PTPRT: variants seen among roughly 807,000 people sequenced by gnomAD.
PTPRT encodes the protein receptor-type tyrosine-protein phosphatase T.
A neutral mutation model predicts 176.8 loss-of-function variants in PTPRT; 56 were observed. The ratio of observed to expected loss-of-function variants is 0.32; its 90% confidence interval spans 0.26 to 0.40. PTPRT has a LOEUF of 0.40. Ranked by LOEUF, PTPRT falls within the 10% of genes least tolerant of loss-of-function variation. The pLI, the probability that PTPRT is intolerant of heterozygous loss-of-function variation, is 1.00. For synonymous variants in PTPRT, 783 were observed against 739.0 expected (o/e 1.06, Z -0.96); for missense variants, 1,540 against 1,908.2 (o/e 0.81, Z 3.60).
At chr20:43,084,529 A>G (rs2011552421) in intron 1 of PTPRT, among the ~76,000 whole-genome samples, 1 of 151,958 alleles carries the variant, frequency 6.6e-6, no homozygotes, top group African/African-American at 2.4e-5. Flanking sequence ...CATGGGGGAA[A>G]CCGCCCCCAT....
chr20:42,782,401 C>T (rs890744999), intron 3 of PTPRT, among the ~76,000 whole-genome samples: 1 of 152,204 alleles, frequency 6.6e-6, no homozygotes. Flanking sequence ...TGTATTTCTA[C>T]CTAGGTACCA....
At chr20:43,159,722 T>C (rs967109368) in intron 1 of PTPRT, among the ~76,000 whole-genome samples, 3 of 152,172 alleles carry the variant, frequency 2.0e-5, no homozygotes, top group South Asian at 4.1e-4. Flanking sequence ...CAGATGTCCA[T>C]AATGATCTTG....
At chr20:43,112,218 G>T (rs1274531765) in intron 1 of PTPRT, among the ~76,000 whole-genome samples, 1 of 152,156 alleles carries the variant, frequency 6.6e-6, no homozygotes, top group Non-Finnish European at 1.5e-5. Flanking sequence ...CATCTTTTCA[G>T]ATTTTTATTT....
intron 1 of PTPRT, among the ~76,000 whole-genome samples, chr20:43,110,075 A>T (rs1469913773): frequency 2.6e-5 from 4 of 152,200 alleles, no homozygotes; most frequent in Admixed American, 2.6e-4. Flanking sequence ...TTGACTCATG[A>T]TTTTGGATGC....
At chr20:42,451,659 G>A (rs903103940) in intron 8 of PTPRT, among the ~76,000 whole-genome samples, 1 of 152,162 alleles carries the variant, frequency 6.6e-6, no homozygotes, top group Non-Finnish European at 1.5e-5. Flanking sequence ...AAGAAGGAAA[G>A]AGGCTCAAGA....
At chr20:43,046,401 T>C (rs774028940) in intron 1 of PTPRT, among the ~76,000 whole-genome samples, 11 of 151,100 alleles carry the variant, frequency 7.3e-5, no homozygotes, top group Non-Finnish European at 1.3e-4. Context: ...ACCCTGTCTC[T>C]ACTAAAAATA....
At chr20:43,029,355 A>C (rs2146193752) in intron 1 of PTPRT, among the ~76,000 whole-genome samples, 1 of 152,340 alleles carries the variant, frequency 6.6e-6, no homozygotes, top group South Asian at 2.1e-4. Flanking sequence ...CCCACCAACA[A>C]GCAATTGTGA....
At chr20:42,120,002 G>A in intron 19 of PTPRT, 31 bp from the exon 20 acceptor site, 3 of 1,592,678 alleles carry the variant, frequency 1.9e-6, no homozygotes, top group Non-Finnish European at 2.6e-6. Flanking sequence ...ACTGTGAAGA[G>A]TCTGTTGTCA....
chr20:43,038,938 T>C (rs564133007), intron 1 of PTPRT, among the ~76,000 whole-genome samples: 2 of 152,332 alleles, frequency 1.3e-5, no homozygotes, highest in South Asian at 2.1e-4. Context: ...CACAAGCGAT[T>C]TGAGTAAATG....
intron 11 of PTPRT, among the ~76,000 whole-genome samples, chr20:42,345,744 A>AT (rs1555829538): frequency 5.4e-4 from 81 of 151,292 alleles, no homozygotes; most frequent in Non-Finnish European, 9.1e-4. Context: ...CAAAACAAAA[A>AT]ATATATATAT....
chr20:42,655,804 A>C (rs532009372), intron 7 of PTPRT, among the ~76,000 whole-genome samples: 125 of 152,298 alleles, frequency 8.2e-4, no homozygotes, highest in Admixed American at 3.0e-3. Flanking sequence ...GGAGTAGACC[A>C]TTTTCAGCAT....
chr20:42,402,935 T>C (rs948350014), intron 9 of PTPRT, among the ~76,000 whole-genome samples: 2 of 152,146 alleles, frequency 1.3e-5, no homozygotes, highest in Non-Finnish European at 2.9e-5. Flanking sequence ...ATTCTGTGAA[T>C]TGTTAAAATA....
chr20:42,118,146 G>A (rs549580753), intron 21 of PTPRT, among the ~76,000 whole-genome samples: 3 of 152,298 alleles, frequency 2.0e-5, no homozygotes, highest in Non-Finnish European at 4.4e-5. Flanking sequence ...GGGAGTGAAC[G>A]ACTGATGGTT....
At chr20:42,783,847 G>A (rs1237643846) in intron 3 of PTPRT, among the ~76,000 whole-genome samples, 1 of 152,140 alleles carries the variant, frequency 6.6e-6, no homozygotes, top group African/African-American at 2.4e-5. Flanking sequence ...TTTTCCTCCT[G>A]TCTTCAGGAG....
the PTPRT span, among the ~76,000 whole-genome samples, chr20:42,066,037 C>CT: frequency 0.74 from 91,337 of 124,114 alleles, 34,294 homozygotes; most frequent in African/African-American, 0.84. Context: ...TAGTATATTA[C>CT]TTTTTTTTTT....
At chr20:43,180,715 G>A (rs972360833) in intron 1 of PTPRT, among the ~76,000 whole-genome samples, 7 of 151,960 alleles carry the variant, frequency 4.6e-5, no homozygotes, top group East Asian at 1.9e-4. Context: ...CGCCCACCTC[G>A]GCTTCCCAAA....
intron 7 of PTPRT, among the ~76,000 whole-genome samples, chr20:42,671,114 T>C (rs1336226070): frequency 6.6e-6 from 1 of 152,162 alleles, no homozygotes; most frequent in South Asian, 2.1e-4. Flanking sequence ...CTATCTCTTG[T>C]CACCTCACCT....
chr20:43,063,066 T>C (rs1016467203), intron 1 of PTPRT, among the ~76,000 whole-genome samples: 24 of 152,298 alleles, frequency 1.6e-4, no homozygotes, highest in Non-Finnish European at 3.1e-4. Flanking sequence ...TTTAGGCTTA[T>C]AAATAATTTA....
intron 7 of PTPRT, among the ~76,000 whole-genome samples, chr20:42,575,042 C>T (rs1342948337): frequency 6.6e-6 from 1 of 152,152 alleles, no homozygotes; most frequent in Admixed American, 6.5e-5. Flanking sequence ...ATTACCCTGT[C>T]TCTGGTAGTA....
Sources: gnomAD v4.1 joint callset for allele counts (sites outside exome capture counted in the v4.1 genomes callset) on GRCh38, gnomAD v4.1.1 for gene constraint, MANE v1.5 for transcripts, NCBI Gene and HGNC (gene_info 2026-07-23, HGNC 2026-07-21) for gene names.